Variants in CHRNB3 observed in about 807,000 individuals in gnomAD.
CHRNB3 encodes the protein cholinergic receptor nicotinic beta 3 subunit, also known as neuronal acetylcholine receptor subunit beta-3.
A neutral mutation model predicts 40.6 loss-of-function variants in CHRNB3; 37 were observed. The ratio of observed to expected loss-of-function variants is 0.91; its 90% CI spans 0.70 to 1.20. The LOEUF is 1.20. Among genes scored for constraint, CHRNB3 ranks in the 50% most tolerant of loss-of-function variants. The pLI, the probability that CHRNB3 is intolerant of heterozygous loss-of-function variation, is 0.00. For synonymous variants in CHRNB3, 207 were observed against 207.1 expected (o/e 1.00, Z 0.00); for missense variants, 505 against 551.2 (o/e 0.92, Z 0.84).
chr8:42,710,153 G>C (rs1319363745), intron 2 of CHRNB3, among the ~76,000 whole-genome samples: 1 of 152,050 alleles, frequency 6.6e-6, no homozygotes, highest in Non-Finnish European at 1.5e-5. Flanking sequence ...AGATTTTTCT[G>C]ATCGAAACCA....
intron 3 of CHRNB3, chr8:42,726,069 A>T (rs959421715): frequency 1.1e-6 from 1 of 952,366 alleles, no homozygotes; most frequent in Non-Finnish European, 1.7e-6. Context: ...TGTAGGAATG[A>T]TTCCAGTTGT....
chr8:42,724,447 T>G (rs964535650), intron 3 of CHRNB3, among the ~76,000 whole-genome samples: 10 of 152,156 alleles, frequency 6.6e-5, no homozygotes, highest in Non-Finnish European at 1.3e-4. Context: ...ACATTTATTT[T>G]TGTGCCTTTC....
intron 1 of CHRNB3, among the ~76,000 whole-genome samples, chr8:42,700,986 T>G (rs1189363086): frequency 6.6e-6 from 1 of 151,822 alleles, no homozygotes; most frequent in Admixed American, 6.6e-5. Flanking sequence ...ATCCAGCACT[T>G]TGGGAGGCTG....
intron 1 of CHRNB3, among the ~76,000 whole-genome samples, chr8:42,707,385 G>A (rs908266835): frequency 4.6e-5 from 7 of 152,164 alleles, no homozygotes; most frequent in African/African-American, 1.7e-4. Context: ...GAAGAAAAAG[G>A]TTTTCTATGG....
chr8:42,708,596 G>T, intron 1 of CHRNB3, 121 bp from the exon 2 acceptor site: 1 of 1,095,342 alleles, frequency 9.1e-7, no homozygotes, highest in Non-Finnish European at 1.3e-6. Context: ...TCAGGAACTG[G>T]GCTGTTTAGA....
At chr8:42,718,666 C>T (rs1586401462) in intron 3 of CHRNB3, among the ~76,000 whole-genome samples, 1 of 86,204 alleles carries the variant, frequency 1.2e-5, no homozygotes, top group Non-Finnish European at 2.2e-5. Flanking sequence ...GAGCAAGACT[C>T]TGTCTCAAAA....
At chr8:42,698,168 T>A (rs988757591) in intron 1 of CHRNB3, among the ~76,000 whole-genome samples, 1 of 151,740 alleles carries the variant, frequency 6.6e-6, no homozygotes, top group Non-Finnish European at 1.5e-5. Flanking sequence ...TTGATAAGGA[T>A]AAAGGACAAA....
intron 3 of CHRNB3, among the ~76,000 whole-genome samples, chr8:42,724,493 G>A (rs950640685): frequency 6.6e-6 from 1 of 152,040 alleles, no homozygotes; most frequent in Non-Finnish European, 1.5e-5. Flanking sequence ...TCAAACAAAG[G>A]CCCCAGGAAT....
chr8:42,711,041 A>G (rs1026248885), intron 3 of CHRNB3, among the ~76,000 whole-genome samples: 2 of 152,230 alleles, frequency 1.3e-5, no homozygotes, highest in African/African-American at 4.8e-5. Flanking sequence ...TAGCTTGGCT[A>G]GAGCTTATTT....
intron 3 of CHRNB3, among the ~76,000 whole-genome samples, chr8:42,720,879 C>T (rs185688559): frequency 1.3e-5 from 2 of 152,318 alleles, no homozygotes; most frequent in Admixed American, 6.5e-5. Flanking sequence ...TTTAGTCATC[C>T]CCCATCCTCC....
At chr8:42,728,908 G>A (rs114041373) in intron 3 of CHRNB3, among the ~76,000 whole-genome samples, 1 of 152,104 alleles carries the variant, frequency 6.6e-6, no homozygotes, top group African/African-American at 2.4e-5. Flanking sequence ...TTCCCTCCAA[G>A]ATCTCTGAGA....
intron 3 of CHRNB3, among the ~76,000 whole-genome samples, chr8:42,721,318 A>G (rs902733779): frequency 1.3e-5 from 2 of 152,166 alleles, no homozygotes; most frequent in Non-Finnish European, 2.9e-5. Context: ...CTATATTCCC[A>G]GGACCTGGTT....
intron 2 of CHRNB3, 93 bp downstream of exon 2, chr8:42,708,961 T>G: frequency 7.8e-7 from 1 of 1,287,798 alleles, no homozygotes; most frequent in East Asian, 2.5e-5. Flanking sequence ...GTCTGCCATT[T>G]CAATTTTAAA....
At chr8:42,699,261 C>T (rs1815734482) in intron 1 of CHRNB3, among the ~76,000 whole-genome samples, 1 of 152,134 alleles carries the variant, frequency 6.6e-6, no homozygotes, top group South Asian at 2.1e-4. Flanking sequence ...TCTCATATTG[C>T]TATTTCATAT....
At chr8:42,728,596 G>A (rs375108144) in intron 3 of CHRNB3, among the ~76,000 whole-genome samples, 74 of 152,168 alleles carry the variant, frequency 4.9e-4, no homozygotes, top group African/African-American at 1.7e-3. Context: ...AAGTAAAGAA[G>A]TCAGAATTGA....
At position 42,708,802 on chromosome 8, in the gene CHRNB3, T is replaced by C; in HGVS notation, c.138T>C (p.Pro46=). The C allele has an allele frequency of 1.9e-6, 3 of 1,614,098 alleles. No individual in the cohort carries two copies. The highest frequency in any genetic ancestry group is 2.5e-6 in the Non-Finnish European group (3 of 1,179,972). ...AAGGTTATCAGAAATGGGTCCGCCC[T>C]GTATTACATTCTAATGACACCATAA... ...LFQGYQKWVR[P]VLHSNDTIKV... Residue 46 remains proline, a synonymous_variant, in exon 2 of 6, where the codon CCT becomes CCC. Coordinates refer to ENST00000289957, the MANE Select transcript of CHRNB3 (RefSeq NM_000749.5).
At chr8:42,701,692 A>AG (rs1314580530) in intron 1 of CHRNB3, among the ~76,000 whole-genome samples, 1 of 152,222 alleles carries the variant, frequency 6.6e-6, no homozygotes, top group East Asian at 1.9e-4. Context: ...CCCCTCACAG[A>AG]GGTGTCTCTC....
intron 3 of CHRNB3, among the ~76,000 whole-genome samples, chr8:42,729,942 A>G (rs1816375380): frequency 6.6e-6 from 1 of 152,164 alleles, no homozygotes; most frequent in Non-Finnish European, 1.5e-5. Flanking sequence ...ATGTGATTTC[A>G]TCCTTATGAA....
intron 3 of CHRNB3, among the ~76,000 whole-genome samples, chr8:42,710,653 T>C (rs76796587): frequency 0.011 from 1,685 of 152,306 alleles, 34 homozygotes; most frequent in African/African-American, 0.039. Context: ...CTCTCAGCAG[T>C]AGAGCTGCTC....
Sources: allele counts gnomAD v4.1 joint callset (sites outside exome capture counted in the v4.1 genomes callset), GRCh38; gene constraint gnomAD v4.1.1; transcripts MANE v1.5; gene names NCBI Gene and HGNC (gene_info 2026-07-23, HGNC 2026-07-21).